TIMP3: variants seen among roughly 807,000 people sequenced by gnomAD.
TIMP3 encodes metalloproteinase inhibitor 3.
Under a neutral mutation model 30.0 loss-of-function variants are expected in TIMP3, and 11 were observed. The observed-to-expected ratio is 0.37, with a 90% CI of 0.23 to 0.61. The LOEUF (loss-of-function observed/expected upper bound fraction) is 0.61, where lower values mean the gene tolerates loss of function less well. TIMP3 is among the 20% of genes least tolerant of loss of function. The pLI, the probability that TIMP3 is intolerant of heterozygous loss-of-function variation, is 0.70. For synonymous variants in TIMP3, 112 were observed against 111.3 expected, an observed-to-expected ratio of 1.01 and a Z score of -0.04; for missense variants, 181 against 276.8, an observed-to-expected ratio of 0.65 and a Z score of 2.45.
chr22:32,859,371 C>T lies in TIMP3; in HGVS notation c.630C>T (p.Asp210=). The T allele has an allele frequency of 1.2e-6, 2 of 1,609,262 alleles. No individual in the cohort carries two copies. The highest frequency in any genetic ancestry group is 1.6e-4 in the Middle Eastern group (1 of 6,062). The change falls in exon 5 of 5, where the codon GAC becomes GAT. Residue 210 remains aspartate, a synonymous_variant. Transcript: ENST00000266085. ...ATAAAAGCATCATCAATGCCACAGA[C>T]CCCTGAGCGCCAGACCCTGCCCCAC... ...PPDKSIINAT[D]P
intron 1 of TIMP3, among the ~76,000 whole-genome samples, chr22:32,826,880 A>G (rs2146100255): frequency 6.6e-6 from 1 of 152,260 alleles, no homozygotes; most frequent in South Asian, 2.1e-4. Flanking sequence ...CAACCCTAGG[A>G]GCCTGCTGCC....
chr22:32,850,738 T>C (rs1159622223), intron 2 of TIMP3, among the ~76,000 whole-genome samples: 1 of 152,152 alleles, frequency 6.6e-6, no homozygotes, highest in Non-Finnish European at 1.5e-5. Context: ...GGGTAGGACC[T>C]GGCATGCAAA....
intron 1 of TIMP3, among the ~76,000 whole-genome samples, chr22:32,822,532 C>A (rs2047279708): frequency 6.6e-6 from 1 of 152,210 alleles, no homozygotes; most frequent in East Asian, 1.9e-4. Flanking sequence ...CTTTAACTAG[C>A]AATCTTACTT....
At chr22:32,802,544 A>T (rs28431032) in intron 1 of TIMP3, among the ~76,000 whole-genome samples, 2 of 151,152 alleles carry the variant, frequency 1.3e-5, no homozygotes, top group Non-Finnish European at 2.9e-5. Context: ...CGCCATGTGC[A>T]CGGAAAGTTG....
At position 32,849,545 on chromosome 22, in the gene TIMP3, T is replaced by C. The variant is rs1485498306; in HGVS notation, c.204+11T>C. ...ATCAAGCAGATGAAGGTAGGTAATGTCATCACCCTGGCTCCGGGAAGGTTT... is the reference window on the plus strand; with the variant it reads ...ATCAAGCAGATGAAGGTAGGTAATGCCATCACCCTGGCTCCGGGAAGGTTT... On this transcript the variant is annotated intron_variant, in intron 2 of 4. Transcript: ENST00000266085. 1.9e-6 allele frequency: 3 copies of C among 1,611,992 alleles called. No individual in the cohort carries two copies. In the African/African-American group the frequency reaches 4.0e-5, roughly 22 times the overall value.
Position 32,859,594 on chromosome 22 carries a change from A to G in TIMP3, c.*217A>G. 3 of 588,060 alleles carry G rather than the reference A, an allele frequency of 5.1e-6. No individual in the cohort carries two copies. Among genetic ancestry groups the G allele is most frequent in the Non-Finnish European group, 8.7e-6 (3 of 344,106 alleles). The allele number at this position is 588,060 out of a possible 1,614,324, so 36.4% of individuals were successfully genotyped here. On this transcript the variant is annotated 3_prime_UTR_variant, in exon 5 of 5. Transcript: ENST00000266085. ...CTTCTTTTTGGTTTTGACATCATTC[A>G]TTTCCACCTGGGAATTTCTGGTGCC...
At chr22:32,858,702 C>T (rs1162220029) in intron 4 of TIMP3, among the ~76,000 whole-genome samples, 1 of 152,170 alleles carries the variant, frequency 6.6e-6, no homozygotes, top group Non-Finnish European at 1.5e-5. Context: ...GTTTTAATTA[C>T]TATGATCTCC....
chr22:32,808,523 T>C (rs2046826620), intron 1 of TIMP3, among the ~76,000 whole-genome samples: 1 of 152,208 alleles, frequency 6.6e-6, no homozygotes. Context: ...TTCAGTGGAC[T>C]CTTAGGATAA....
intron 2 of TIMP3, among the ~76,000 whole-genome samples, chr22:32,856,087 C>T (rs1169358227): frequency 1.3e-5 from 2 of 152,176 alleles, no homozygotes; most frequent in East Asian, 1.9e-4. Flanking sequence ...ATACATCCCT[C>T]CCAGGGCTCT....
chr22:32,843,449 T>C (rs536821003), intron 1 of TIMP3, among the ~76,000 whole-genome samples: 2 of 152,306 alleles, frequency 1.3e-5, no homozygotes, highest in South Asian at 4.1e-4. Context: ...GAAAAAGGCT[T>C]GCTTGGCGGG....
At chr22:32,802,231 C>G in intron 1 of TIMP3, 109 bp downstream of exon 1, 3 of 1,454,418 alleles carry the variant, frequency 2.1e-6, no homozygotes, top group Non-Finnish European at 1.8e-6. Flanking sequence ...AGGAGAGGGG[C>G]AGACGGGGTT....
At chr22:32,839,746 T>A (rs145316380) in intron 1 of TIMP3, among the ~76,000 whole-genome samples, 17 of 152,332 alleles carry the variant, frequency 1.1e-4, no homozygotes, top group African/African-American at 3.8e-4. Flanking sequence ...TGTGTAAAAC[T>A]GAGGTTGCCC....
chr22:32,818,800 A>T (rs2047156659), intron 1 of TIMP3, among the ~76,000 whole-genome samples: 1 of 152,198 alleles, frequency 6.6e-6, no homozygotes, highest in African/African-American at 2.4e-5. Flanking sequence ...AGTGACTGGC[A>T]AGAGATTCGC....
intron 1 of TIMP3, among the ~76,000 whole-genome samples, chr22:32,814,339 G>GAAAGAAAGAAAGAA (rs369652077): frequency 5.8e-4 from 6 of 10,352 alleles, no homozygotes; most frequent in Non-Finnish European, 1.5e-3. Flanking sequence ...AAGAAAGAAA[G>GAAAGAAAGAAAGAA]AGAAAGAAAG....
At position 32,802,995 on chromosome 22, in the gene TIMP3, T is replaced by C. The variant is rs114261113; in HGVS notation, c.121+873T>C. Reference sequence around the variant, plus strand: ...TGTAAAGAGACCTCCTACTCCTTAGTGTGTATGGAGGGCCCCGAGAGCATC... The same window carrying C: ...TGTAAAGAGACCTCCTACTCCTTAGCGTGTATGGAGGGCCCCGAGAGCATC... On this transcript the variant is annotated intron_variant, in intron 1 of 4. Coordinates refer to ENST00000266085, the MANE Select transcript of TIMP3 (RefSeq NM_000362.5). Among the ~76,000 whole-genome samples, 1,077 of 152,148 alleles carry C rather than the reference T, an allele frequency of 7.1e-3. 9 individuals are homozygous for C. Among genetic ancestry groups the C allele is most frequent in the African/African-American group, 0.022 (934 of 41,514 alleles).
chr22:32,818,826 A>G (rs1176294732), intron 1 of TIMP3, among the ~76,000 whole-genome samples: 3 of 152,174 alleles, frequency 2.0e-5, no homozygotes, highest in Non-Finnish European at 4.4e-5. Flanking sequence ...GGGCTCAGAG[A>G]CCAGGAGGAA....
intron 1 of TIMP3, among the ~76,000 whole-genome samples, chr22:32,836,412 G>A (rs2187728): frequency 6.6e-6 from 1 of 152,200 alleles, no homozygotes; most frequent in Non-Finnish European, 1.5e-5. Context: ...AGGTGGTTCA[G>A]AAATACCAGA....
intron 1 of TIMP3, among the ~76,000 whole-genome samples, chr22:32,805,818 C>T (rs1478985791): frequency 6.6e-6 from 1 of 151,942 alleles, no homozygotes; most frequent in Non-Finnish European, 1.5e-5. Context: ...CTAAGGTGAC[C>T]AGGAGATGGA....
intron 1 of TIMP3, among the ~76,000 whole-genome samples, chr22:32,824,133 C>A (rs2047335078): frequency 6.6e-6 from 1 of 151,938 alleles, no homozygotes. Context: ...AAAAAATTAA[C>A]CAGGTGTGGT....
Sources: gnomAD v4.1 joint callset for allele counts (sites outside exome capture counted in the v4.1 genomes callset) on GRCh38, gnomAD v4.1.1 for gene constraint, MANE v1.5 for transcripts, NCBI Gene and HGNC (gene_info 2026-07-23, HGNC 2026-07-21) for gene names.